CNTNAP2: variants seen among roughly 807,000 people sequenced by gnomAD.
CNTNAP2 encodes contactin associated protein 2, also known as contactin-associated protein-like 2.
A neutral mutation model predicts 155.2 loss-of-function variants in CNTNAP2; 98 were observed. The observed-to-expected ratio is 0.63, with a 90% confidence interval of 0.54 to 0.75. The LOEUF (loss-of-function observed/expected upper bound fraction) is 0.75, where lower values mean the gene tolerates loss of function less well. CNTNAP2 is among the 30% of genes least tolerant of loss of function. The probability of loss-of-function intolerance (pLI) is 0.00; values close to 1 mark genes in which losing one functional copy is unlikely to be tolerated. For synonymous variants in CNTNAP2, 651 were observed against 631.2 expected (o/e 1.03, Z -0.47); for missense variants, 1,727 against 1,688.1 (o/e 1.02, Z -0.40).
At chr7:148,341,674 G>A (rs1798238371) in intron 21 of CNTNAP2, among the ~76,000 whole-genome samples, 1 of 152,114 alleles carries the variant, frequency 6.6e-6, no homozygotes, top group Non-Finnish European at 1.5e-5. Context: ...GTATAGAAAT[G>A]TTCTAACTTT....
chr7:146,618,222 A>C (rs1799259358), intron 1 of CNTNAP2, among the ~76,000 whole-genome samples: 1 of 152,106 alleles, frequency 6.6e-6, no homozygotes, highest in Admixed American at 6.5e-5. Flanking sequence ...GCTTGTTGAG[A>C]GAAGCTTGAA....
chr7:146,986,967 A>G lies in CNTNAP2; in HGVS notation c.403-56940A>G, dbSNP rs183166547. ...ATTTGGCAATTAGCAATTATTGTATATAAATAAAGTTGTTTCGTTCTCTGA... is the reference window on the plus strand; with the variant it reads ...ATTTGGCAATTAGCAATTATTGTATGTAAATAAAGTTGTTTCGTTCTCTGA... On this transcript the variant is annotated intron_variant, in intron 3 of 23. Coordinates refer to ENST00000361727, the MANE Select transcript of CNTNAP2 (RefSeq NM_014141.6). Among the ~76,000 whole-genome samples, 339 of 152,258 alleles carry G rather than the reference A, an allele frequency of 2.2e-3. 4 individuals carry two copies. The highest frequency in any genetic ancestry group is 1.4e-3 in the Non-Finnish European group (92 of 68,008).
intron 1 of CNTNAP2, among the ~76,000 whole-genome samples, chr7:146,383,242 T>A (rs1795415719): frequency 6.6e-6 from 1 of 152,188 alleles, no homozygotes; most frequent in Non-Finnish European, 1.5e-5. Context: ...CTGTGTTGCT[T>A]TGACTGCTAA....
At chr7:147,841,061 A>C (rs1330844865) in intron 13 of CNTNAP2, among the ~76,000 whole-genome samples, 1 of 152,194 alleles carries the variant, frequency 6.6e-6, no homozygotes, top group African/African-American at 2.4e-5. Flanking sequence ...CAAAAATATT[A>C]GTTTTTAATC....
chr7:146,569,718 C>T (rs573205330), intron 1 of CNTNAP2, among the ~76,000 whole-genome samples: 8 of 152,264 alleles, frequency 5.3e-5, no homozygotes, highest in African/African-American at 1.9e-4. Context: ...ATGTGTGCTG[C>T]TCCTTGTGAA....
intron 18 of CNTNAP2, among the ~76,000 whole-genome samples, chr7:148,175,412 C>T (rs1473343521): frequency 6.6e-6 from 1 of 151,942 alleles, no homozygotes; most frequent in Non-Finnish European, 1.5e-5. Context: ...ATTATTGGAC[C>T]ATCTAGTTGT....
chr7:146,439,141 T>C (rs186890339), intron 1 of CNTNAP2, among the ~76,000 whole-genome samples: 4 of 151,598 alleles, frequency 2.6e-5, no homozygotes, highest in African/African-American at 7.3e-5. Flanking sequence ...TTTTTAAAAC[T>C]GGAGAGCACA....
chr7:146,890,647 ATAAGT>A (rs1334341626), intron 3 of CNTNAP2, among the ~76,000 whole-genome samples: 1 of 152,234 alleles, frequency 6.6e-6, no homozygotes, highest in Non-Finnish European at 1.5e-5. Flanking sequence ...GTTATTAAAA[ATAAGT>A]TAAATAAACC....
intron 4 of CNTNAP2, among the ~76,000 whole-genome samples, chr7:147,084,268 A>T (rs1284894460): frequency 3.3e-5 from 1 of 30,028 alleles, no homozygotes; most frequent in Non-Finnish European, 5.4e-5. Context: ...CTATATATGT[A>T]TATATAATAC....
chr7:146,984,451 AT>A (rs769297836), intron 3 of CNTNAP2, among the ~76,000 whole-genome samples: 9 of 138,090 alleles, frequency 6.5e-5, no homozygotes, highest in East Asian at 2.1e-4. Flanking sequence ...TTTTCACTTT[AT>A]TTTTTTTTCT....
At chr7:147,197,788 T>G (rs969034709) in intron 8 of CNTNAP2, among the ~76,000 whole-genome samples, 7 of 152,240 alleles carry the variant, frequency 4.6e-5, no homozygotes, top group African/African-American at 1.7e-4. Context: ...TTATATTGGT[T>G]TCTAAGATAT....
At chr7:146,705,759 A>G (rs761423422) in intron 1 of CNTNAP2, among the ~76,000 whole-genome samples, 92 of 152,088 alleles carry the variant, frequency 6.0e-4, no homozygotes, top group Non-Finnish European at 1.1e-3. Context: ...CTTATTTACC[A>G]CCATGAGGAA....
intron 9 of CNTNAP2, among the ~76,000 whole-genome samples, chr7:147,363,375 T>C (rs1030196990): frequency 2.0e-5 from 3 of 152,194 alleles, no homozygotes; most frequent in Non-Finnish European, 2.9e-5. Flanking sequence ...AACTCTATGG[T>C]ATTTCTTCAT....
At chr7:146,499,278 G>T (rs997718845) in intron 1 of CNTNAP2, among the ~76,000 whole-genome samples, 1 of 152,136 alleles carries the variant, frequency 6.6e-6, no homozygotes, top group African/African-American at 2.4e-5. Flanking sequence ...CACATCCTGG[G>T]TTCAAGCGAT....
chr7:148,237,586 T>C (rs1369210802), intron 20 of CNTNAP2, among the ~76,000 whole-genome samples: 1 of 152,196 alleles, frequency 6.6e-6, no homozygotes. Flanking sequence ...TGGAGAAGAC[T>C]CAGTAAAAAG....
chr7:146,901,153 T>G (rs929155189), intron 3 of CNTNAP2, among the ~76,000 whole-genome samples: 1 of 152,032 alleles, frequency 6.6e-6, no homozygotes, highest in Non-Finnish European at 1.5e-5. Context: ...AAAAATCCAC[T>G]TAATGCAAAC....
At chr7:148,147,450 GA>G in intron 16 of CNTNAP2, 40 bp from the exon 17 acceptor site, 1 of 1,578,470 alleles carries the variant, frequency 6.3e-7, no homozygotes. Context: ...TGGTATCTGG[GA>G]GAAAAATACT....
chr7:147,518,217 A>G (rs1799164203), intron 11 of CNTNAP2, among the ~76,000 whole-genome samples: 1 of 152,248 alleles, frequency 6.6e-6, no homozygotes, highest in Non-Finnish European at 1.5e-5. Flanking sequence ...CATACACTGA[A>G]CATAGAAACA....
intron 1 of CNTNAP2, among the ~76,000 whole-genome samples, chr7:146,419,375 G>A (rs1370940681): frequency 1.3e-5 from 2 of 152,020 alleles, no homozygotes; most frequent in Non-Finnish European, 2.9e-5. Flanking sequence ...TGAGATTTGG[G>A]TGGGGACACA....
Sources: gnomAD v4.1 joint callset for allele counts (sites outside exome capture counted in the v4.1 genomes callset) on GRCh38, gnomAD v4.1.1 for gene constraint, MANE v1.5 for transcripts, NCBI Gene and HGNC (gene_info 2026-07-23, HGNC 2026-07-21) for gene names.